ATP2C2: variants seen among roughly 807,000 people sequenced by gnomAD.
ATP2C2 encodes the protein calcium-transporting ATPase type 2C member 2.
A neutral mutation model predicts 110.8 loss-of-function variants in ATP2C2; 171 were observed. The observed-to-expected ratio is 1.54, with a 90% CI of 1.36 to 1.75. The LOEUF (loss-of-function observed/expected upper bound fraction) is 1.75, where lower values mean the gene tolerates loss of function less well. ATP2C2 is among the 40% of genes most tolerant of loss of function. ATP2C2 has a pLI of 0.00. For synonymous variants in ATP2C2, 804 were observed against 508.4 expected, an observed-to-expected ratio of 1.58 and a Z score of -7.82; for missense variants, 1,963 against 1,235.0, an observed-to-expected ratio of 1.59 and a Z score of -8.84.
chr16:84,463,773 T>C lies in ATP2C2; in HGVS notation c.*41T>C. On this transcript the variant is annotated 3_prime_UTR_variant, in exon 27 of 27. Coordinates refer to ENST00000262429, the MANE Select transcript of ATP2C2 (RefSeq NM_014861.4). ...GGCACCTTCCCTAATCATCTCGATC[T>C]GGTTGTGACTGTGGCCCCTGCCGTG... 1 of 1,531,888 alleles carries C rather than the reference T, an allele frequency of 6.5e-7. No homozygotes were observed. Among genetic ancestry groups the C allele is most frequent in the Non-Finnish European group, 9.0e-7 (1 of 1,105,580 alleles). The allele number at this position is 1,531,888 out of a possible 1,614,324, so 94.9% of individuals were successfully genotyped here. A position where few individuals can be genotyped will look rare whatever the true frequency, so the allele number is the denominator to read the frequency against.
chr16:84,427,141 T>G (rs1223068070), intron 11 of ATP2C2, among the ~76,000 whole-genome samples: 2 of 152,228 alleles, frequency 1.3e-5, no homozygotes, highest in Admixed American at 1.3e-4. Flanking sequence ...ACGCAGCTGC[T>G]GTCTGCAACG....
At chr16:84,444,694 C>T (rs114602291) in intron 15 of ATP2C2, among the ~76,000 whole-genome samples, 2,219 of 152,302 alleles carry the variant, frequency 0.015, 75 homozygotes, top group African/African-American at 0.05. Context: ...CGCCACCAGC[C>T]GTCCCTGCAG....
intron 1 of ATP2C2, among the ~76,000 whole-genome samples, chr16:84,396,425 C>T: frequency 6.6e-6 from 1 of 151,434 alleles, no homozygotes; most frequent in East Asian, 1.9e-4. Flanking sequence ...CGGTGCGTGC[C>T]TGTAGTCCCA....
chr16:84,436,555 T>A (rs137878725), intron 11 of ATP2C2, among the ~76,000 whole-genome samples: 2 of 152,256 alleles, frequency 1.3e-5, no homozygotes, highest in African/African-American at 4.8e-5. Context: ...TAACAGAAAC[T>A]CCTCATCACT....
intron 10 of ATP2C2, 55 bp from the exon 11 acceptor site, chr16:84,425,680 G>C: frequency 6.4e-7 from 1 of 1,572,858 alleles, no homozygotes; most frequent in Non-Finnish European, 8.8e-7. Flanking sequence ...AATCCCTCCA[G>C]GCATCAGCGT....
chr16:84,463,520 C>T (rs1911606471), intron 26 of ATP2C2, 94 bp from the exon 27 acceptor site: 2 of 1,048,874 alleles, frequency 1.9e-6, no homozygotes, highest in Admixed American at 1.7e-5. Flanking sequence ...CCGCACCTCT[C>T]ACTTTATCAG....
At chr16:84,388,111 C>A (rs903388942) in intron 1 of ATP2C2, among the ~76,000 whole-genome samples, 5 of 152,038 alleles carry the variant, frequency 3.3e-5, no homozygotes, top group Non-Finnish European at 5.9e-5. Context: ...GTGGGTAGAT[C>A]ACCTGAGGTC....
At chr16:84,458,560 T>C (rs991892928) in intron 21 of ATP2C2, among the ~76,000 whole-genome samples, 2 of 151,956 alleles carry the variant, frequency 1.3e-5, no homozygotes, top group African/African-American at 4.8e-5. Context: ...TTTCAAAATA[T>C]TTTAGTAAAA....
intron 1 of ATP2C2, among the ~76,000 whole-genome samples, chr16:84,372,262 T>G (rs1209955916): frequency 6.6e-6 from 1 of 152,116 alleles, no homozygotes; most frequent in Admixed American, 6.5e-5. Flanking sequence ...ACAGTCAGAT[T>G]TGTGTTTTTA....
At chr16:84,401,168 C>A (rs112333598) in intron 2 of ATP2C2, among the ~76,000 whole-genome samples, 1 of 151,636 alleles carries the variant, frequency 6.6e-6, no homozygotes, top group African/African-American at 2.4e-5. Flanking sequence ...GAGAGTTTCC[C>A]CGATGTTCTC....
chr16:84,404,227 G>T (rs1855443060), intron 2 of ATP2C2, among the ~76,000 whole-genome samples: 1 of 152,182 alleles, frequency 6.6e-6, no homozygotes, highest in African/African-American at 2.4e-5. Flanking sequence ...TATAGGGTGG[G>T]ACCCTCTCAT....
At chr16:84,378,845 G>A (rs545801256) in intron 1 of ATP2C2, among the ~76,000 whole-genome samples, 3 of 152,352 alleles carry the variant, frequency 2.0e-5, no homozygotes, top group African/African-American at 7.2e-5. Flanking sequence ...GTGGAGCCGG[G>A]CCTGGTGGGC....
intron 2 of ATP2C2, among the ~76,000 whole-genome samples, chr16:84,400,584 C>T (rs930502475): frequency 6.6e-6 from 1 of 152,154 alleles, no homozygotes; most frequent in African/African-American, 2.4e-5. Context: ...GCCTCAGCCT[C>T]CCAAAGTGCT....
At chr16:84,447,880 C>T (rs998123905) in intron 16 of ATP2C2, among the ~76,000 whole-genome samples, 2 of 131,260 alleles carry the variant, frequency 1.5e-5, no homozygotes, top group African/African-American at 2.7e-5. Context: ...ATGTTAATTA[C>T]ATATTAATAA....
rs75849515 is a variant in ATP2C2, at chr16:84,391,951, G to C, written c.100-6548G>C. On this transcript the variant is annotated intron_variant, in intron 1 of 26. Coordinates refer to ENST00000262429, the MANE Select transcript of ATP2C2 (RefSeq NM_014861.4). ...TAAAACAAAACTAGGATTATATTAC[G>C]ACGATTGTTCTGCAAAAGGTTTTTT... 9.8e-3 allele frequency among the ~76,000 whole-genome samples: 1,467 copies of C among 148,942 alleles called. 11 individuals carry two copies. The highest frequency in any genetic ancestry group is 0.016 in the Non-Finnish European group (1,077 of 67,480).
At chr16:84,453,831 C>CT (rs140890620) in intron 20 of ATP2C2, among the ~76,000 whole-genome samples, 15,217 of 149,940 alleles carry the variant, frequency 0.1, 980 homozygotes, top group Non-Finnish European at 0.14. Context: ...GAGAAGCTAT[C>CT]TTTTTTTTTT....
intron 11 of ATP2C2, among the ~76,000 whole-genome samples, chr16:84,435,917 C>G (rs777474955): frequency 6.6e-6 from 1 of 152,132 alleles, no homozygotes; most frequent in African/African-American, 2.4e-5. Flanking sequence ...TCACTTGAGG[C>G]CAGGAGTTCA....
At position 84,410,385 on chromosome 16, in the gene ATP2C2, A is replaced by G. The variant is rs111799317; in HGVS notation, c.418-183A>G. Among the ~76,000 whole-genome samples the G allele has an allele frequency of 7.7e-3, 1,173 of 152,308 alleles. 14 individuals carry two copies. The highest frequency in any genetic ancestry group is 0.027 in the African/African-American group (1,122 of 41,562). ...TCTGAAATGTGCACGTCTGGGTGGT[A>G]AAAGATAGTGTCAATTTTTTCCTGC... On this transcript the variant is annotated intron_variant, in intron 4 of 26. Coordinates refer to ENST00000262429, the MANE Select transcript of ATP2C2 (RefSeq NM_014861.4).
intron 11 of ATP2C2, among the ~76,000 whole-genome samples, chr16:84,434,980 C>T (rs1037294570): frequency 4.2e-4 from 64 of 152,222 alleles, no homozygotes; most frequent in Admixed American, 1.4e-3. Context: ...ATAAAACCAA[C>T]GAAGCCTTCT....
Sources: gnomAD v4.1 joint callset for allele counts (sites outside exome capture counted in the v4.1 genomes callset) on GRCh38, gnomAD v4.1.1 for gene constraint, MANE v1.5 for transcripts, NCBI Gene and HGNC (gene_info 2026-07-23, HGNC 2026-07-21) for gene names.